Variants in EDA observed in about 807,000 individuals in gnomAD.
The protein encoded by EDA is ectodysplasin-A.
Under a neutral mutation model 23.6 loss-of-function variants are expected in EDA, and 2 were observed. The observed-to-expected ratio is 0.08, with a 90% CI of 0.03 to 0.27. The LOEUF (loss-of-function observed/expected upper bound fraction) is 0.27, where lower values mean the gene tolerates loss of function less well. Ranked by LOEUF, EDA falls within the 10% of genes least tolerant of loss-of-function variation. The pLI is 1.00. For missense variants in EDA, 229 were observed against 324.2 expected, an observed-to-expected ratio of 0.71 and a Z score of 2.26; for synonymous variants, 131 against 132.0, an observed-to-expected ratio of 0.99 and a Z score of 0.05.
At chrX:69,889,016 A>ATATC (rs1363174596) in intron 1 of EDA, among the ~76,000 whole-genome samples, 2 of 74,890 alleles carry the variant, frequency 2.7e-5, no homozygotes, top group Non-Finnish European at 5.0e-5. Context: ...ATATATATAT[A>ATATC]TATATTATGT....
intron 1 of EDA, among the ~76,000 whole-genome samples, chrX:69,840,506 G>A (rs943442462): frequency 2.7e-5 from 3 of 111,092 alleles, no homozygotes; most frequent in African/African-American, 9.8e-5. Context: ...AAGAATACAG[G>A]AACTAACTCA....
At chrX:69,876,046 A>T (rs2017639394) in intron 1 of EDA, among the ~76,000 whole-genome samples, 1 of 112,123 alleles carries the variant, frequency 8.9e-6, no homozygotes. Context: ...TGGGAATGTA[A>T]ACTAGCACAA....
intron 1 of EDA, among the ~76,000 whole-genome samples, chrX:69,948,653 A>G (rs950168124): frequency 8.9e-6 from 1 of 111,867 alleles, no homozygotes; most frequent in Admixed American, 9.5e-5. Context: ...TGTTTTTGAA[A>G]CCTTACTACC....
At chrX:69,877,591 CAT>C (rs1357107643) in intron 1 of EDA, among the ~76,000 whole-genome samples, 1 of 110,534 alleles carries the variant, frequency 9.0e-6, no homozygotes, top group Non-Finnish European at 1.9e-5. Flanking sequence ...CTTTATAAGA[CAT>C]GTGATTTGTA....
intron 1 of EDA, among the ~76,000 whole-genome samples, chrX:69,668,169 T>G (rs1933753454): frequency 8.9e-6 from 1 of 112,279 alleles, no homozygotes; most frequent in Non-Finnish European, 1.9e-5. Context: ...GGTTTTGGTG[T>G]GTTGTGTTTT....
intron 1 of EDA, among the ~76,000 whole-genome samples, chrX:69,924,591 A>T (rs2018484475): frequency 9.0e-6 from 1 of 111,672 alleles, no homozygotes; most frequent in Non-Finnish European, 1.9e-5. Context: ...TGATGCCTCC[A>T]GCTTTGTTCT....
chrX:69,783,771 T>C (rs2015041972), intron 1 of EDA, among the ~76,000 whole-genome samples: 1 of 110,325 alleles, frequency 9.1e-6, no homozygotes, highest in Admixed American at 9.7e-5. Context: ...TGTGTCTTTA[T>C]AGCAGCATGA....
Position 70,036,606 on chromosome X carries a change from G to A in EDA, c.*997G>A, listed in dbSNP as rs1569408023. ...TCCTAATCAAATTCTGTCTGGGGACGAAGGGTTGGACGGGATGACCTCCAG... is the reference window on the plus strand; with the variant it reads ...TCCTAATCAAATTCTGTCTGGGGACAAAGGGTTGGACGGGATGACCTCCAG... On this transcript the variant is annotated 3_prime_UTR_variant, in exon 8 of 8. Transcript: ENST00000374552. 1.8e-5 allele frequency: 2 copies of A among 112,901 alleles called. No homozygotes were observed. Among genetic ancestry groups the A allele is most frequent in the African/African-American group, 3.2e-5 (1 of 31,086 alleles). The allele number at this position is 112,901 out of a possible 1,213,427, so 9.3% of individuals were successfully genotyped here.
intron 1 of EDA, among the ~76,000 whole-genome samples, chrX:69,711,492 A>G (rs1403347576): frequency 1.8e-5 from 2 of 111,530 alleles, no homozygotes; most frequent in Non-Finnish European, 3.8e-5. Flanking sequence ...TGGTATCAGG[A>G]TGATGCTGAC....
rs1339345269 is a variant in EDA at position 69,616,153 on chromosome X, C to T, written c.-156C>T. On this transcript the variant is annotated 5_prime_UTR_variant, in exon 1 of 8. Coordinates refer to ENST00000374552, the MANE Select transcript of EDA (RefSeq NM_001399.5). ...CGGAGTAGAGCTGCACATGCGGCTG[C>T]TCCCTGCTCCGTCCCGCCCAGCCAC... 7.2e-6 allele frequency: 4 copies of T among 554,300 alleles called. No homozygotes were observed. The highest frequency in any genetic ancestry group is 1.1e-5 in the Non-Finnish European group (4 of 355,538). The allele number at this position is 554,300 out of a possible 1,213,427, so 45.7% of individuals were successfully genotyped here. A position where few individuals can be genotyped will look rare whatever the true frequency, so the allele number is the denominator to read the frequency against.
chrX:69,933,488 T>C (rs772138207), intron 1 of EDA, among the ~76,000 whole-genome samples: 15 of 111,390 alleles, frequency 1.3e-4, no homozygotes, highest in Non-Finnish European at 2.8e-4. Flanking sequence ...GAGACCAGCC[T>C]GGCCAACATG....
chrX:69,912,768 TC>T (rs2018285569), intron 1 of EDA, among the ~76,000 whole-genome samples: 1 of 58,299 alleles, frequency 1.7e-5, no homozygotes, highest in Non-Finnish European at 3.2e-5. Context: ...CTTTTTCTTT[TC>T]TTTTTTTTTT....
intron 1 of EDA, among the ~76,000 whole-genome samples, chrX:69,645,868 G>A (rs777189906): frequency 1.8e-5 from 2 of 109,206 alleles, no homozygotes; most frequent in African/African-American, 3.3e-5. Context: ...GAGCTGCATC[G>A]CAGAGATTCT....
chrX:69,801,501 C>T (rs754969877), intron 1 of EDA, among the ~76,000 whole-genome samples: 16 of 111,219 alleles, frequency 1.4e-4, no homozygotes, highest in Non-Finnish European at 2.5e-4. Context: ...CTGAGGATCA[C>T]TCATAAGAAG....
intron 1 of EDA, among the ~76,000 whole-genome samples, chrX:69,635,037 C>T (rs1162139169): frequency 8.9e-6 from 1 of 112,253 alleles, no homozygotes; most frequent in Non-Finnish European, 1.9e-5. Flanking sequence ...GAGCAATAGG[C>T]TATACCTGTG....
intron 1 of EDA, among the ~76,000 whole-genome samples, chrX:69,701,635 T>C (rs2011536526): frequency 1.8e-5 from 2 of 111,597 alleles, no homozygotes; most frequent in Admixed American, 1.9e-4. Context: ...CGGGGGTGGA[T>C]TGGGAGATGA....
At chrX:69,635,802 C>T (rs960994141) in intron 1 of EDA, among the ~76,000 whole-genome samples, 4 of 109,794 alleles carry the variant, frequency 3.6e-5, no homozygotes, top group South Asian at 4.0e-4. Flanking sequence ...CTCCTGACCT[C>T]GCTAACACCA....
intron 1 of EDA, among the ~76,000 whole-genome samples, chrX:69,670,979 G>A (rs1933873728): frequency 9.0e-6 from 1 of 111,156 alleles, no homozygotes; most frequent in Admixed American, 9.6e-5. Flanking sequence ...ATGCTTCCTT[G>A]CTTTTTCATG....
At chrX:69,711,570 A>G (rs2012038496) in intron 1 of EDA, among the ~76,000 whole-genome samples, 1 of 111,732 alleles carries the variant, frequency 8.9e-6, no homozygotes, top group Non-Finnish European at 1.9e-5. Context: ...AAGGAATGGT[A>G]CCAGCTCCTC....
Sources: allele counts gnomAD v4.1 joint callset (sites outside exome capture counted in the v4.1 genomes callset), GRCh38; gene constraint gnomAD v4.1.1; transcripts MANE v1.5; gene names NCBI Gene and HGNC (gene_info 2026-07-23, HGNC 2026-07-21).